Variants in RAD18 observed in about 807,000 individuals in gnomAD.
RAD18 encodes the protein E3 ubiquitin-protein ligase RAD18.
RAD18 carries 47 observed loss-of-function variants against 60.4 expected under a neutral mutation model. The observed-to-expected ratio is 0.78, with a 90% confidence interval of 0.62 to 0.99. RAD18 has a LOEUF of 0.99. RAD18 is among the 50% of genes least tolerant of loss of function. The pLI is 0.00. For synonymous variants in RAD18, 225 were observed against 195.5 expected (o/e 1.15, Z -1.26); for missense variants, 640 against 593.3 (o/e 1.08, Z -0.82).
chr3:8,931,922 G>A (rs1940566278), intron 7 of RAD18, among the ~76,000 whole-genome samples: 1 of 152,142 alleles, frequency 6.6e-6, no homozygotes, highest in Non-Finnish European at 1.5e-5. Flanking sequence ...AACAAATGGT[G>A]CTGAAAAACT....
At chr3:8,902,587 C>T (rs1939933002) in intron 9 of RAD18, 67 bp from the exon 10 acceptor site, 2 of 1,459,296 alleles carry the variant, frequency 1.4e-6, no homozygotes, top group Non-Finnish European at 9.2e-7. Context: ...AACTGACAAA[C>T]TGAATATCAA....
intron 7 of RAD18, among the ~76,000 whole-genome samples, chr3:8,932,284 T>A (rs549324144): frequency 6.6e-6 from 1 of 152,302 alleles, no homozygotes; most frequent in East Asian, 1.9e-4. Flanking sequence ...ACATATATTT[T>A]AAAAATTCAG....
chr3:8,906,437 AT>A (rs1442036404), intron 9 of RAD18, among the ~76,000 whole-genome samples: 1 of 152,008 alleles, frequency 6.6e-6, no homozygotes, highest in Non-Finnish European at 1.5e-5. Flanking sequence ...TAATGGTCTC[AT>A]TTCCTCACCT....
intron 2 of RAD18, among the ~76,000 whole-genome samples, chr3:8,949,141 A>T (rs919421891): frequency 2.0e-5 from 3 of 152,200 alleles, no homozygotes; most frequent in Non-Finnish European, 4.4e-5. Context: ...ATATATCCTA[A>T]CAATTTAAGC....
chr3:8,882,578 A>C (rs1464713600), intron 12 of RAD18, among the ~76,000 whole-genome samples: 2 of 152,190 alleles, frequency 1.3e-5, no homozygotes, highest in Non-Finnish European at 2.9e-5. Flanking sequence ...TCAGCCTAGC[A>C]ACAAGCAATA....
At chr3:8,893,424 G>C (rs752891337) in intron 11 of RAD18, among the ~76,000 whole-genome samples, 7 of 152,072 alleles carry the variant, frequency 4.6e-5, no homozygotes, top group Non-Finnish European at 1.0e-4. Context: ...GAGGATCAAT[G>C]CAGGACAACA....
At chr3:8,901,075 G>A (rs1196431759) in intron 10 of RAD18, among the ~76,000 whole-genome samples, 2 of 152,140 alleles carry the variant, frequency 1.3e-5, no homozygotes, top group African/African-American at 4.8e-5. Context: ...AGCACTTTAT[G>A]CACAAATTGT....
At chr3:8,902,220 A>T (rs193203458) in intron 10 of RAD18, among the ~76,000 whole-genome samples, 160 bp downstream of exon 10, 132 of 152,346 alleles carry the variant, frequency 8.7e-4, no homozygotes, top group Non-Finnish European at 1.6e-3. Flanking sequence ...CATAGTAATA[A>T]ATCTAGTTTA....
In RAD18 at chr3:8,890,434, AT is replaced by A; in HGVS notation, c.1339del (p.Ile447Ter). 6.3e-7 allele frequency: 1 copy of A among 1,592,326 alleles called. No individual in the cohort carries two copies. Among genetic ancestry groups the A allele is most frequent in the Non-Finnish European group, 8.6e-7 (1 of 1,160,208 alleles). On this transcript the variant is annotated frameshift_variant, in exon 12 of 13. Coordinates refer to ENST00000264926, the MANE Select transcript of RAD18 (RefSeq NM_020165.4). LOFTEE classifies it high-confidence loss of function. The part of the protein sequence containing the change: ...DSCNSSSSDI[I>X]RDLLEEEEAW... ...TTCCTCTTCTTCTAAAAGATCTCTTATGATGTCTGAACTGGAACTAAAAGGA... is the reference window on the plus strand; with the variant it reads ...TTCCTCTTCTTCTAAAAGATCTCTTAGATGTCTGAACTGGAACTAAAAGGA...
At chr3:8,926,368 T>C (rs947505247) in intron 7 of RAD18, among the ~76,000 whole-genome samples, 3 of 152,202 alleles carry the variant, frequency 2.0e-5, no homozygotes, top group Non-Finnish European at 4.4e-5. Context: ...GAAGGACCTC[T>C]TCAAGGAGAA....
At chr3:8,932,589 GCAGGTTCTTATAGTTACATTTAC>G in intron 7 of RAD18, among the ~76,000 whole-genome samples, 1 of 152,260 alleles carries the variant, frequency 6.6e-6, no homozygotes, top group South Asian at 2.1e-4. Context: ...AAACTGTATG[GCAGGTTCTTATAGTTACATTTAC>G]CATATGACCA....
chr3:8,914,819 C>T (rs1254186324), intron 7 of RAD18, among the ~76,000 whole-genome samples: 1 of 152,124 alleles, frequency 6.6e-6, no homozygotes, highest in Non-Finnish European at 1.5e-5. Context: ...AGACAGAGAA[C>T]ATCTGGCATG....
chr3:8,925,679 C>T (rs970247090), intron 7 of RAD18, among the ~76,000 whole-genome samples: 5 of 152,148 alleles, frequency 3.3e-5, no homozygotes, highest in South Asian at 4.1e-4. Flanking sequence ...ATTGGCAAAC[C>T]GAATCCAGCA....
intron 2 of RAD18, among the ~76,000 whole-genome samples, chr3:8,954,101 T>C (rs73810760): frequency 0.023 from 3,575 of 152,328 alleles, 136 homozygotes; most frequent in African/African-American, 0.08. Flanking sequence ...GAGCTGCACT[T>C]CTGGAAATTC....
chr3:8,896,225 T>C (rs750488427), intron 11 of RAD18, among the ~76,000 whole-genome samples: 11 of 152,240 alleles, frequency 7.2e-5, no homozygotes, highest in Non-Finnish European at 1.5e-4. Flanking sequence ...TGTACACTGA[T>C]AATTTTTAAC....
chr3:8,930,545 A>G (rs1940535313), intron 7 of RAD18, among the ~76,000 whole-genome samples: 1 of 152,196 alleles, frequency 6.6e-6, no homozygotes, highest in Admixed American at 6.5e-5. Context: ...GTGGGTATGA[A>G]TTATATCTCA....
chr3:8,958,313 T>C (rs1055151258), intron 2 of RAD18, among the ~76,000 whole-genome samples: 1 of 152,222 alleles, frequency 6.6e-6, no homozygotes, highest in Non-Finnish European at 1.5e-5. Context: ...GAATAACCCA[T>C]AAACTGTATG....
chr3:8,906,445 A>G (rs1940002372), intron 9 of RAD18, among the ~76,000 whole-genome samples: 2 of 151,830 alleles, frequency 1.3e-5, no homozygotes, highest in Admixed American at 6.6e-5. Context: ...TCATTTCCTC[A>G]CCTCCAATTT....
Position 8,902,485 on chromosome 3 carries a change from C to A in RAD18, c.1063G>T (p.Asp355Tyr), listed in dbSNP as rs144777024. The A allele has an allele frequency of 4.2e-5, 67 of 1,607,828 alleles. No homozygotes were observed. In the African/African-American group the frequency reaches 8.7e-4, roughly 21 times the overall value. The change falls in exon 10 of 13, where the codon GAT becomes TAT. Residue 355 changes from aspartate (D) to tyrosine (Y), a missense_variant. Coordinates refer to ENST00000264926, the MANE Select transcript of RAD18 (RefSeq NM_020165.4). Reference sequence around the variant, plus strand: ...TTCTTGTATCCTTTTCTAGCCTGATCCACCAGAAGCTGAAATTCACTCTTA... The same window carrying A: ...TTCTTGTATCCTTTTCTAGCCTGATACACCAGAAGCTGAAATTCACTCTTA... ...KHKSEFQLLV[D>Y]QARKGYKKIA...
Sources: gnomAD v4.1 joint callset for allele counts (sites outside exome capture counted in the v4.1 genomes callset) on GRCh38, gnomAD v4.1.1 for gene constraint, MANE v1.5 for transcripts, NCBI Gene and HGNC (gene_info 2026-07-23, HGNC 2026-07-21) for gene names.